The following CCDC91 variants were observed in gnomAD, a reference collection of about 807,000 sequenced individuals.
CCDC91 encodes the protein coiled-coil domain containing 91, also known as coiled-coil domain-containing protein 91.
Under a neutral mutation model 63.2 loss-of-function variants are expected in CCDC91, and 48 were observed. That is an observed-to-expected ratio of 0.76 (90% CI 0.60 to 0.97). CCDC91 has a LOEUF of 0.97. CCDC91 is among the 50% of genes least tolerant of loss of function. The probability of loss-of-function intolerance (pLI) is 0.00; values close to 1 mark genes in which losing one functional copy is unlikely to be tolerated. For synonymous variants in CCDC91, 167 were observed against 165.8 expected (o/e 1.01, Z -0.06); for missense variants, 500 against 494.6 (o/e 1.01, Z -0.10).
intron 12 of CCDC91, among the ~76,000 whole-genome samples, chr12:28,503,604 C>T (rs1248585101): frequency 2.0e-5 from 3 of 152,008 alleles, no homozygotes; most frequent in Non-Finnish European, 2.9e-5. Context: ...CAAAGGACTA[C>T]AAATCATACT....
intron 12 of CCDC91, among the ~76,000 whole-genome samples, chr12:28,536,460 T>G (rs1314606440): frequency 6.6e-6 from 1 of 152,226 alleles, no homozygotes; most frequent in Non-Finnish European, 1.5e-5. Flanking sequence ...GAAATATGTT[T>G]CATCATAGAG....
intron 12 of CCDC91, among the ~76,000 whole-genome samples, chr12:28,525,195 T>C (rs1340107062): frequency 6.6e-6 from 1 of 152,104 alleles, no homozygotes; most frequent in Non-Finnish European, 1.5e-5. Context: ...GACTTTAGAT[T>C]ATCTGTTTGT....
At position 28,549,292 on chromosome 12, in the gene CCDC91, GTT is replaced by G. The variant is rs1194853748; in HGVS notation, c.*120_*121del. The G allele has an allele frequency of 4.9e-6, 3 of 614,294 alleles. No homozygotes were observed. The East Asian group carries it at 8.4e-5, about 17-fold the overall frequency. 38.1% of individuals were successfully genotyped at this position (614,294 alleles called of 1,614,324 possible). On this transcript the variant is annotated 3_prime_UTR_variant, in exon 13 of 13. Coordinates refer to ENST00000536442, the MANE Select transcript of CCDC91 (RefSeq NM_018318.5). ...CCAAATCATGTAGAATTGATTTCCA[GTT>G]CAAGGATAAACCAAAACAATATTTA...
chr12:28,337,434 C>G (rs767321076), intron 6 of CCDC91, among the ~76,000 whole-genome samples: 1 of 151,752 alleles, frequency 6.6e-6, no homozygotes, highest in South Asian at 2.1e-4. Context: ...TCAAAATCAT[C>G]TTGTTTTTTA....
intron 11 of CCDC91, 36 bp from the exon 12 acceptor site, chr12:28,484,016 C>T (rs1592809783): frequency 3.1e-6 from 4 of 1,281,020 alleles, no homozygotes; most frequent in Non-Finnish European, 4.5e-6. Context: ...TCATAGTGCT[C>T]ACCTCCCTGA....
At chr12:28,531,872 G>T (rs984978766) in intron 12 of CCDC91, among the ~76,000 whole-genome samples, 10 of 152,036 alleles carry the variant, frequency 6.6e-5, no homozygotes, top group Non-Finnish European at 7.4e-5. Context: ...CATTTTGGTG[G>T]GGTATGGAAC....
chr12:28,191,167 T>C (rs949617087), intron 1 of CCDC91: 8 of 152,342 alleles, frequency 5.3e-5, no homozygotes, highest in African/African-American at 1.9e-4. Context: ...TGCCAAGTGG[T>C]GAGGTATCCT....
chr12:28,227,859 TCTAA>T (rs1465950667), intron 1 of CCDC91, among the ~76,000 whole-genome samples: 12 of 152,228 alleles, frequency 7.9e-5, no homozygotes, highest in African/African-American at 2.9e-4. Context: ...TGTGTTTGCC[TCTAA>T]CTGATTTTAG....
At chr12:28,412,931 G>T (rs992868829) in intron 8 of CCDC91, 10 of 354,540 alleles carry the variant, frequency 2.8e-5, no homozygotes, top group African/African-American at 1.9e-4. Flanking sequence ...CCACCAGGAA[G>T]AATAAAGGTT....
chr12:28,423,144 A>G (rs1294079256), intron 8 of CCDC91, among the ~76,000 whole-genome samples: 2 of 152,252 alleles, frequency 1.3e-5, no homozygotes, highest in African/African-American at 2.4e-5. Flanking sequence ...TGCAAAATAA[A>G]AAAATGAAAC....
chr12:28,521,578 T>G (rs980908585), intron 12 of CCDC91, among the ~76,000 whole-genome samples: 7 of 152,190 alleles, frequency 4.6e-5, no homozygotes, highest in Admixed American at 1.3e-4. Flanking sequence ...TTCTCCTGCC[T>G]GATTGACCTT....
Position 28,504,554 on chromosome 12 carries a change from G to A in CCDC91, c.1215+20389G>A, listed in dbSNP as rs1268312761. Among the ~76,000 whole-genome samples, 3 of 151,914 alleles carry A rather than the reference G, an allele frequency of 2.0e-5. No homozygotes were observed. The South Asian group carries it at 6.2e-4, about 32-fold the overall frequency. ...GAAATCTATCTTCAATATATATTCA[G>A]AATCTGATATATATTGCTGTGAACT... On this transcript the variant is annotated intron_variant, in intron 12 of 12. Coordinates refer to ENST00000536442, the MANE Select transcript of CCDC91 (RefSeq NM_018318.5).
intron 3 of CCDC91, among the ~76,000 whole-genome samples, chr12:28,278,459 T>G (rs1001682231): frequency 6.6e-6 from 1 of 152,098 alleles, no homozygotes; most frequent in Non-Finnish European, 1.5e-5. Context: ...TAACTTAAAG[T>G]CAGCATCTCT....
At chr12:28,462,466 A>G (rs1425872409) in intron 11 of CCDC91, among the ~76,000 whole-genome samples, 1 of 152,100 alleles carries the variant, frequency 6.6e-6, no homozygotes, top group Non-Finnish European at 1.5e-5. Flanking sequence ...GAAAAAAATT[A>G]CTGAGACAGC....
chr12:28,360,047 C>T (rs1453488191), intron 6 of CCDC91, among the ~76,000 whole-genome samples: 1 of 152,124 alleles, frequency 6.6e-6, no homozygotes, highest in Non-Finnish European at 1.5e-5. Context: ...ACTAAAGGAG[C>T]TCCCACAAAA....
chr12:28,436,490 G>T (rs1157344309), intron 8 of CCDC91, among the ~76,000 whole-genome samples: 2 of 151,286 alleles, frequency 1.3e-5, no homozygotes, highest in African/African-American at 4.9e-5. Context: ...CAAATATATT[G>T]TTGCTATTAT....
At chr12:28,203,166 G>A (rs2121517319) in intron 1 of CCDC91, among the ~76,000 whole-genome samples, 1 of 152,144 alleles carries the variant, frequency 6.6e-6, no homozygotes, top group Non-Finnish European at 1.5e-5. Context: ...GGGGATAGAG[G>A]GATGAGATTA....
At chr12:28,432,792 T>G (rs1455788467) in intron 8 of CCDC91, among the ~76,000 whole-genome samples, 1 of 152,086 alleles carries the variant, frequency 6.6e-6, no homozygotes, top group Non-Finnish European at 1.5e-5. Context: ...TGTAAGAAAC[T>G]GTTAAACTCT....
intron 3 of CCDC91, among the ~76,000 whole-genome samples, chr12:28,271,537 G>T (rs1372644283): frequency 6.6e-6 from 1 of 151,916 alleles, no homozygotes; most frequent in African/African-American, 2.4e-5. Flanking sequence ...TAATTTCCAA[G>T]TATGGGGCTT....
Sources: gnomAD v4.1 joint callset for allele counts (sites outside exome capture counted in the v4.1 genomes callset) on GRCh38, gnomAD v4.1.1 for gene constraint, MANE v1.5 for transcripts, NCBI Gene and HGNC (gene_info 2026-07-23, HGNC 2026-07-21) for gene names.